The following NELL2 variants were observed in gnomAD, a reference collection of about 807,000 sequenced individuals.
The protein encoded by NELL2 is protein kinase C-binding protein NELL2.
Under a neutral mutation model 109.6 loss-of-function variants are expected in NELL2, and 41 were observed. The observed-to-expected ratio is 0.37, with a 90% CI of 0.29 to 0.49. NELL2 has a LOEUF of 0.49. NELL2 is among the 20% of genes least tolerant of loss of function. The pLI, the probability that NELL2 is intolerant of heterozygous loss-of-function variation, is 0.98. For missense variants in NELL2, 900 were observed against 1,008.3 expected (o/e 0.89, Z 1.45); for synonymous variants, 355 against 344.7 (o/e 1.03, Z -0.33).
intron 11 of NELL2, among the ~76,000 whole-genome samples, chr12:44,706,945 G>A (rs1937916827): frequency 6.6e-6 from 1 of 152,066 alleles, no homozygotes; most frequent in Non-Finnish European, 1.5e-5. Context: ...TATATAACTG[G>A]AAAAGAGGGG....
At chr12:44,804,079 A>T (rs1352716826) in intron 3 of NELL2, among the ~76,000 whole-genome samples, 1 of 151,912 alleles carries the variant, frequency 6.6e-6, no homozygotes, top group African/African-American at 2.4e-5. Flanking sequence ...GACTATTTCT[A>T]CTGGCTGAAT....
chr12:44,584,011 C>T (rs1053428424), intron 15 of NELL2, among the ~76,000 whole-genome samples: 1 of 152,136 alleles, frequency 6.6e-6, no homozygotes, highest in Non-Finnish European at 1.5e-5. Flanking sequence ...TGAGCTCAAG[C>T]GATCCGCCCA....
intron 2 of NELL2, among the ~76,000 whole-genome samples, chr12:44,832,267 T>C (rs966779762): frequency 2.6e-5 from 4 of 152,164 alleles, no homozygotes; most frequent in Admixed American, 1.3e-4. Context: ...ATTCTTTATG[T>C]CTTTAGTTGA....
chr12:44,509,598 T>C (rs960406442), intron 19 of NELL2, among the ~76,000 whole-genome samples: 3 of 152,062 alleles, frequency 2.0e-5, no homozygotes, highest in Non-Finnish European at 4.4e-5. Context: ...TGTGATACAA[T>C]GAGAAATGGC....
At chr12:44,755,753 A>T (rs1259231198) in intron 9 of NELL2, among the ~76,000 whole-genome samples, 6 of 152,134 alleles carry the variant, frequency 3.9e-5, no homozygotes, top group African/African-American at 7.2e-5. Context: ...GCCCTCAACT[A>T]TCCTTACTTT....
At chr12:44,525,988 T>G (rs1170123675) in intron 16 of NELL2, among the ~76,000 whole-genome samples, 2 of 152,176 alleles carry the variant, frequency 1.3e-5, no homozygotes, top group African/African-American at 4.8e-5. Context: ...TATCAAGATG[T>G]GCTGGAGAAA....
At chr12:44,813,102 G>T (rs1671897154) in intron 3 of NELL2, among the ~76,000 whole-genome samples, 1 of 152,140 alleles carries the variant, frequency 6.6e-6, no homozygotes, top group Non-Finnish European at 1.5e-5. Flanking sequence ...TTGAAGTACA[G>T]AACAATTAAG....
intron 13 of NELL2, among the ~76,000 whole-genome samples, chr12:44,650,286 C>T (rs7310844): frequency 0.52 from 77,724 of 150,144 alleles, 21,132 homozygotes; most frequent in East Asian, 0.73. Context: ...TCTTTACCTG[C>T]CTCCACCCCC....
At chr12:44,823,485 C>A (rs113039461) in intron 2 of NELL2, among the ~76,000 whole-genome samples, 1 of 152,158 alleles carries the variant, frequency 6.6e-6, no homozygotes, top group Non-Finnish European at 1.5e-5. Context: ...TGAGATCATG[C>A]GGTATTCATC....
chr12:44,656,311 G>GTTACTTAGT (rs78608585), intron 13 of NELL2, among the ~76,000 whole-genome samples: 24,365 of 152,000 alleles, frequency 0.16, 2,005 homozygotes, highest in East Asian at 0.23. Context: ...CAGAGTAACC[G>GTTACTTAGT]TACATCAAGG....
chr12:44,725,652 A>G (rs1026620400), intron 9 of NELL2, among the ~76,000 whole-genome samples: 1 of 152,204 alleles, frequency 6.6e-6, no homozygotes, highest in Non-Finnish European at 1.5e-5. Flanking sequence ...GTACCTAAGC[A>G]CCATGAAACA....
chr12:44,627,454 A>G (rs934570812), intron 13 of NELL2, among the ~76,000 whole-genome samples: 1 of 151,986 alleles, frequency 6.6e-6, no homozygotes, highest in African/African-American at 2.4e-5. Context: ...TCAGAACTGA[A>G]TAAATAAAGC....
intron 2 of NELL2, among the ~76,000 whole-genome samples, chr12:44,841,746 T>C (rs963675957): frequency 6.6e-6 from 1 of 152,110 alleles, no homozygotes; most frequent in Non-Finnish European, 1.5e-5. Context: ...TGAACAGAGA[T>C]TCCAGGGCTC....
Position 44,587,284 on chromosome 12 carries a change from A to AAAAAAAAAAAT in NELL2, c.1663+19884_1663+19885insATTTTTTTTTT. Among the ~76,000 whole-genome samples, 25 of 72,190 alleles carry AAAAAAAAAAAT rather than the reference A, an allele frequency of 3.5e-4. 1 individual carries two copies. The highest frequency in any genetic ancestry group is 6.8e-4 in the South Asian group (1 of 1,472). 47.4% of individuals were successfully genotyped at this position (72,190 alleles called of 152,430 possible). ...AAGACTCCGTCTCAAAAAAAAAAAA[A>AAAAAAAAAAAT]ATATATATATATATATATATATATT... On this transcript the variant is annotated intron_variant, in intron 15 of 19. Coordinates refer to ENST00000429094, the MANE Select transcript of NELL2 (RefSeq NM_001145108.2).
At chr12:44,653,897 C>T (rs570374472) in intron 13 of NELL2, among the ~76,000 whole-genome samples, 1 of 152,216 alleles carries the variant, frequency 6.6e-6, no homozygotes, top group Admixed American at 6.5e-5. Flanking sequence ...TTCTGTAAGA[C>T]TTTCTGGCTT....
At chr12:44,703,674 A>G in intron 12 of NELL2, 52 bp downstream of exon 12, 1 of 1,601,320 alleles carries the variant, frequency 6.2e-7, no homozygotes, top group Non-Finnish European at 8.5e-7. Context: ...TTTTGCATGC[A>G]GTAATCCTAG....
At chr12:44,605,329 T>C (rs1592194484) in intron 15 of NELL2, among the ~76,000 whole-genome samples, 1 of 152,188 alleles carries the variant, frequency 6.6e-6, no homozygotes, top group East Asian at 1.9e-4. Context: ...AGGTGATGTA[T>C]AAAGGGTACA....
chr12:44,556,930 A>C (rs1014995933), intron 15 of NELL2, among the ~76,000 whole-genome samples: 2 of 152,144 alleles, frequency 1.3e-5, no homozygotes. Flanking sequence ...AGACAAGGTG[A>C]ATATATAGGT....
intron 13 of NELL2, among the ~76,000 whole-genome samples, chr12:44,614,284 C>T (rs929190652): frequency 4.0e-5 from 6 of 151,816 alleles, no homozygotes; most frequent in Middle Eastern, 3.4e-3. Context: ...TTTAATTATT[C>T]GTTGTGTCTA....
Sources: allele counts gnomAD v4.1 joint callset (sites outside exome capture counted in the v4.1 genomes callset), GRCh38; gene constraint gnomAD v4.1.1; transcripts MANE v1.5; gene names NCBI Gene and HGNC (gene_info 2026-07-23, HGNC 2026-07-21).